The following DIS3L variants were observed in gnomAD, a reference collection of about 807,000 sequenced individuals.
DIS3L encodes DIS3 like exosome 3'-5' exoribonuclease, also known as DIS3-like exonuclease 1.
DIS3L carries 100 observed loss-of-function variants against 120.3 expected under a neutral mutation model. The observed-to-expected ratio is 0.83, with a 90% CI of 0.71 to 0.98. The LOEUF (loss-of-function observed/expected upper bound fraction) is 0.98, where lower values mean the gene tolerates loss of function less well. DIS3L is among the 50% of genes least tolerant of loss of function. The pLI is 0.00. For synonymous variants in DIS3L, 426 were observed against 470.6 expected (o/e 0.91, Z 1.23); for missense variants, 1,196 against 1,314.2 (o/e 0.91, Z 1.39).
At chr15:66,301,442 C>T (rs914394375) in intron 2 of DIS3L, among the ~76,000 whole-genome samples, 10 of 151,734 alleles carry the variant, frequency 6.6e-5, no homozygotes, top group African/African-American at 9.7e-5. Flanking sequence ...CATCATGCCT[C>T]GCTAATTTTT....
intron 5 of DIS3L, among the ~76,000 whole-genome samples, chr15:66,312,705 A>G (rs183617822): frequency 6.6e-6 from 1 of 152,292 alleles, no homozygotes; most frequent in East Asian, 1.9e-4. Context: ...ATATGCACTC[A>G]TTTATGTGTG....
At position 66,324,611 on chromosome 15, in the gene DIS3L, A is replaced by G. The variant is rs76509996; in HGVS notation, c.1667+1026A>G. On this transcript the variant is annotated intron_variant, in intron 11 of 16. Coordinates refer to ENST00000319212, the MANE Select transcript of DIS3L (RefSeq NM_001143688.3). ...GCCCTTCTTAAATGTTACACCAGTT[A>G]TATTCCTGTCACCAATGTATGAGAG... 4.0e-3 allele frequency among the ~76,000 whole-genome samples: 611 copies of G among 152,372 alleles called. 9 individuals are homozygous for G. Among genetic ancestry groups the G allele is most frequent in the African/African-American group, 0.014 (578 of 41,588 alleles).
At chr15:66,295,331 A>G (rs1180689721) in intron 2 of DIS3L, among the ~76,000 whole-genome samples, 190 bp downstream of exon 2, 1 of 152,224 alleles carries the variant, frequency 6.6e-6, no homozygotes, top group African/African-American at 2.4e-5. Context: ...ACACCTGGCC[A>G]AGAGATCTGA....
chr15:66,316,887 G>T (rs567481518), intron 7 of DIS3L, among the ~76,000 whole-genome samples: 1 of 152,160 alleles, frequency 6.6e-6, no homozygotes, highest in African/African-American at 2.4e-5. Context: ...CTCAATGGCT[G>T]GTTCCTGTTT....
Position 66,308,911 on chromosome 15 carries a change from C to T in DIS3L, c.558+67C>T, listed in dbSNP as rs866002260. The T allele has an allele frequency of 2.5e-4, 381 of 1,494,534 alleles. 3 individuals are homozygous for T. In the Middle Eastern group the frequency reaches 2.7e-3, roughly 11 times the overall value. The allele number at this position is 1,494,534 out of a possible 1,614,324, so 92.6% of individuals were successfully genotyped here. A position where few individuals can be genotyped will look rare whatever the true frequency, so the allele number is the denominator to read the frequency against. On this transcript the variant is annotated intron_variant, in intron 4 of 16. Coordinates refer to ENST00000319212, the MANE Select transcript of DIS3L (RefSeq NM_001143688.3). The stretch of plus-strand genomic sequence containing the variant: ...AGTAGTACCCATAAGGCTCTAGATC[C>T]CTTTGGTAACACAGAAAAGAGAAAA...
chr15:66,307,009 A>G, intron 3 of DIS3L, 57 bp downstream of exon 3: 1 of 1,601,844 alleles, frequency 6.2e-7, no homozygotes, highest in Non-Finnish European at 8.5e-7. Flanking sequence ...TTTCCTCATC[A>G]TTGGCTGTTT....
In DIS3L at chr15:66,332,866, A is replaced by G. The variant is rs762885475; in HGVS notation, c.2812A>G (p.Thr938Ala). 1 of 1,613,848 alleles carries G rather than the reference A, an allele frequency of 6.2e-7. No individual in the cohort carries two copies. Among genetic ancestry groups the G allele is most frequent in the Non-Finnish European group, 8.5e-7 (1 of 1,179,872 alleles). Residue 938 changes from threonine (T) to alanine (A), a missense_variant, in exon 16 of 17, where the codon ACA (threonine) becomes GCA (alanine). Transcript: ENST00000319212. Reference protein sequence around the residue: ...RFQNKITSTTTDGESVTFHLF... With the variant: ...RFQNKITSTTADGESVTFHLF... ...TCAAAACAAAATTACCTCTACTACAACAGATGGGGAATCTGTTACGTTCCA... is the reference window on the plus strand; with the variant it reads ...TCAAAACAAAATTACCTCTACTACAGCAGATGGGGAATCTGTTACGTTCCA...
chr15:66,309,094 A>AAAAAAAAAAAAT, intron 4 of DIS3L, among the ~76,000 whole-genome samples: 1 of 15,320 alleles, frequency 6.5e-5, no homozygotes. Context: ...AAAAAAAAAA[A>AAAAAAAAAAAAT]ATATATATAT....
chr15:66,318,361 G>T, intron 7 of DIS3L, 88 bp from the exon 8 acceptor site: 2 of 1,421,366 alleles, frequency 1.4e-6, no homozygotes, highest in Admixed American at 2.3e-5. Context: ...TGTATTTCTT[G>T]TTCTTTTCCT....
At chr15:66,295,222 G>C in intron 2 of DIS3L, 81 bp downstream of exon 2, 3 of 1,362,484 alleles carry the variant, frequency 2.2e-6, no homozygotes, top group Non-Finnish European at 3.0e-6. Context: ...AGGGGGATGG[G>C]AGGAATTCAT....
chr15:66,304,473 A>C (rs748969991), intron 2 of DIS3L, among the ~76,000 whole-genome samples: 29 of 152,212 alleles, frequency 1.9e-4, no homozygotes, highest in Non-Finnish European at 3.2e-4. Flanking sequence ...TGTCTTTGTG[A>C]AAGTGGGAAA....
In DIS3L at chr15:66,306,873, A is replaced by G; in HGVS notation, c.343A>G (p.Ile115Val). 1 of 1,614,202 alleles carries G rather than the reference A, an allele frequency of 6.2e-7. No homozygotes were observed. The highest frequency in any genetic ancestry group is 2.2e-5 in the East Asian group (1 of 44,890). The change falls in exon 3 of 17, where the codon ATT becomes GTT. Residue 115 changes from isoleucine to valine, a missense_variant. Transcript: ENST00000319212. The part of the protein sequence containing the change: ...NLLKDARHDC[I>V]LFANEFQQCC... ...GCTGAAGGATGCGCGTCATGATTGC[A>G]TTCTCTTTGCTAATGAATTCCAGCA...
chr15:66,316,307 C>CTT (rs80217505), intron 7 of DIS3L, among the ~76,000 whole-genome samples: 25 of 146,594 alleles, frequency 1.7e-4, no homozygotes, highest in Admixed American at 4.1e-4. Flanking sequence ...TTATCCTTGA[C>CTT]TTTTTTTTTT....
chr15:66,318,765 G>C (rs1203347543), intron 8 of DIS3L, 147 bp downstream of exon 8: 1 of 920,598 alleles, frequency 1.1e-6, no homozygotes, highest in Non-Finnish European at 1.6e-6. Flanking sequence ...CAAGATACTG[G>C]GATGTGTTTT....
intron 11 of DIS3L, among the ~76,000 whole-genome samples, chr15:66,323,949 T>C (rs1263785354): frequency 1.3e-5 from 2 of 152,162 alleles, no homozygotes; most frequent in South Asian, 4.1e-4. Flanking sequence ...TCGGGGAGTT[T>C]TTTGTTTGTT....
At chr15:66,306,460 C>T (rs2092703410) in intron 2 of DIS3L, among the ~76,000 whole-genome samples, 2 of 152,154 alleles carry the variant, frequency 1.3e-5, no homozygotes, top group Non-Finnish European at 2.9e-5. Flanking sequence ...AAATAAAGTG[C>T]TAAACTCTCT....
intron 1 of DIS3L, chr15:66,294,122 A>G (rs979671465): frequency 1.0e-6 from 1 of 985,664 alleles, no homozygotes; most frequent in Non-Finnish European, 1.2e-6. Context: ...CCCGGGAGCT[A>G]CAGGCCAGCT....
intron 11 of DIS3L, 113 bp downstream of exon 11, chr15:66,323,698 T>C: frequency 9.0e-7 from 1 of 1,112,120 alleles, no homozygotes; most frequent in Non-Finnish European, 1.4e-6. Flanking sequence ...CAGCCCTGTG[T>C]CTCCCCTCTG....
At chr15:66,294,863 CTT>C in intron 1 of DIS3L, 123 bp from the exon 2 acceptor site, 1 of 1,031,440 alleles carries the variant, frequency 9.7e-7, no homozygotes, top group Non-Finnish European at 1.4e-6. Context: ...GTAGATTTGT[CTT>C]TTAAAAACTC....
Sources: gnomAD v4.1 joint callset for allele counts (sites outside exome capture counted in the v4.1 genomes callset) on GRCh38, gnomAD v4.1.1 for gene constraint, MANE v1.5 for transcripts, NCBI Gene and HGNC (gene_info 2026-07-23, HGNC 2026-07-21) for gene names.